Variants in RNGTT observed in about 807,000 individuals in gnomAD.
The protein encoded by RNGTT is mRNA-capping enzyme.
RNGTT carries 33 observed loss-of-function variants against 79.3 expected under a neutral mutation model. The ratio of observed to expected loss-of-function variants is 0.42; its 90% confidence interval spans 0.32 to 0.56. The LOEUF (loss-of-function observed/expected upper bound fraction) is 0.56. Ranked by LOEUF, RNGTT falls within the 20% of genes least tolerant of loss-of-function variation. RNGTT has a pLI of 0.17. For synonymous variants in RNGTT, 222 were observed against 235.9 expected (o/e 0.94, Z 0.54); for missense variants, 497 against 739.1 (o/e 0.67, Z 3.80).
chr6:88,651,383 C>G (rs891709669), intron 14 of RNGTT, among the ~76,000 whole-genome samples: 20 of 152,098 alleles, frequency 1.3e-4, no homozygotes, highest in Admixed American at 2.6e-4. Context: ...TCTTCCCCAT[C>G]TGTAACTGGA....
intron 11 of RNGTT, among the ~76,000 whole-genome samples, chr6:88,819,939 G>A (rs529367684): frequency 2.6e-5 from 4 of 151,940 alleles, no homozygotes; most frequent in African/African-American, 7.2e-5. Flanking sequence ...AACATTTCAC[G>A]AACATTCTCA....
chr6:88,882,644 G>A (rs1231224963), intron 8 of RNGTT, among the ~76,000 whole-genome samples: 2 of 152,238 alleles, frequency 1.3e-5, no homozygotes, highest in Non-Finnish European at 2.9e-5. Flanking sequence ...CAGTGCAACA[G>A]TACTGAGAGA....
Position 88,610,543 on chromosome 6 carries a change from C to T in RNGTT, c.*2176G>A, listed in dbSNP as rs1247494636. 1.3e-5 allele frequency: 2 copies of T among 152,204 alleles called. No individual in the cohort carries two copies. The highest frequency in any genetic ancestry group is 2.9e-5 in the Non-Finnish European group (2 of 68,036). The allele number at this position is 152,204 out of a possible 1,614,324, so 9.4% of individuals were successfully genotyped here. A position where few individuals can be genotyped will look rare whatever the true frequency, so the allele number is the denominator to read the frequency against. Reference sequence around the variant, plus strand: ...ACATTTCCTTCACAATGTCCAAAATCCTGCCTCTAGATTATCCCCCTGACC... The same window carrying T: ...ACATTTCCTTCACAATGTCCAAAATTCTGCCTCTAGATTATCCCCCTGACC... On this transcript the variant is annotated 3_prime_UTR_variant, in exon 16 of 16. Transcript: ENST00000369485.
At chr6:88,755,951 C>T (rs1457400338) in intron 13 of RNGTT, among the ~76,000 whole-genome samples, 3 of 118,092 alleles carry the variant, frequency 2.5e-5, no homozygotes, top group Non-Finnish European at 4.9e-5. Context: ...CAGAGTGAGA[C>T]TCCGTCTCAA....
At chr6:88,850,764 A>G in intron 9 of RNGTT, among the ~76,000 whole-genome samples, 1 of 152,014 alleles carries the variant, frequency 6.6e-6, no homozygotes. Context: ...TGCAGAGTAT[A>G]TTTTCCAGCA....
At chr6:88,823,649 A>G (rs1316721311) in intron 11 of RNGTT, among the ~76,000 whole-genome samples, 1 of 152,228 alleles carries the variant, frequency 6.6e-6, no homozygotes, top group Non-Finnish European at 1.5e-5. Flanking sequence ...CCCAAAAAAT[A>G]GACTAATGGA....
intron 6 of RNGTT, among the ~76,000 whole-genome samples, chr6:88,898,261 C>G (rs1783320558): frequency 6.6e-6 from 1 of 152,122 alleles, no homozygotes; most frequent in African/African-American, 2.4e-5. Flanking sequence ...TACTTTCCGT[C>G]CTTATTGAAT....
intron 13 of RNGTT, among the ~76,000 whole-genome samples, chr6:88,723,059 A>G (rs892782711): frequency 1.3e-5 from 2 of 152,240 alleles, no homozygotes; most frequent in African/African-American, 4.8e-5. Flanking sequence ...CTTATTTAAC[A>G]GCAACAACAA....
chr6:88,713,800 T>C lies in RNGTT; in HGVS notation c.1440-35381A>G, dbSNP rs1776404054. ...TACGCTACATATGAAACAGGAGATA[T>C]GATAATGATTTAACATTCTTGATGC... is the stretch of plus-strand genomic sequence containing the variant. On this transcript the variant is annotated intron_variant, in intron 13 of 15. Transcript: ENST00000369485. Among the ~76,000 whole-genome samples the C allele has an allele frequency of 2.0e-5, 3 of 152,328 alleles. No individual in the cohort carries two copies. In the South Asian group the frequency reaches 6.2e-4, roughly 32 times the overall value.
At chr6:88,623,284 G>A in intron 14 of RNGTT, among the ~76,000 whole-genome samples, 1 of 151,958 alleles carries the variant, frequency 6.6e-6, no homozygotes, top group Non-Finnish European at 1.5e-5. Flanking sequence ...CTTTGAATGG[G>A]GTCCCACATA....
At chr6:88,681,846 C>G (rs984973889) in intron 13 of RNGTT, among the ~76,000 whole-genome samples, 45 of 152,248 alleles carry the variant, frequency 3.0e-4, no homozygotes, top group African/African-American at 1.0e-3. Context: ...TTGCTTGCAA[C>G]TAAATACTTC....
At position 88,853,619 on chromosome 6, in the gene RNGTT, T is replaced by C. The variant is rs1781745166; in HGVS notation, c.1032+10A>G. The C allele has an allele frequency of 6.5e-7, 1 of 1,542,384 alleles. No individual in the cohort carries two copies. The highest frequency in any genetic ancestry group is 2.3e-5 in the East Asian group (1 of 42,956). ...TGTTTAATTTTATAGTATACATAAA[T>C]ATGACTTACGCCATCCAAGAGAGTA... On this transcript the variant is annotated intron_variant, in intron 9 of 15. Coordinates refer to ENST00000369485, the MANE Select transcript of RNGTT (RefSeq NM_003800.5).
At chr6:88,697,500 G>C (rs902085432) in intron 13 of RNGTT, among the ~76,000 whole-genome samples, 1 of 151,910 alleles carries the variant, frequency 6.6e-6, no homozygotes, top group East Asian at 1.9e-4. Flanking sequence ...GTAGTGAGCA[G>C]AGATTATGCC....
At chr6:88,801,242 A>C (rs1435313352) in intron 12 of RNGTT, among the ~76,000 whole-genome samples, 1 of 152,250 alleles carries the variant, frequency 6.6e-6, no homozygotes, top group Non-Finnish European at 1.5e-5. Context: ...CATTTATGTA[A>C]TGCTATTGGT....
At chr6:88,629,672 C>T (rs576228878) in intron 14 of RNGTT, among the ~76,000 whole-genome samples, 186 of 152,242 alleles carry the variant, frequency 1.2e-3, no homozygotes, top group African/African-American at 4.3e-3. Flanking sequence ...CTCAACTGCT[C>T]TTAGCAAGTT....
intron 4 of RNGTT, among the ~76,000 whole-genome samples, chr6:88,926,460 T>C (rs1419260069): frequency 2.6e-5 from 4 of 152,332 alleles, no homozygotes; most frequent in Admixed American, 2.6e-4. Context: ...CTGCCTAACT[T>C]TCATTGGGAT....
At chr6:88,868,879 AC>A (rs1782266725) in intron 8 of RNGTT, among the ~76,000 whole-genome samples, 1 of 152,204 alleles carries the variant, frequency 6.6e-6, no homozygotes, top group Non-Finnish European at 1.5e-5. Context: ...TTTCTATAGA[AC>A]AATGAACATT....
chr6:88,699,688 T>A lies in RNGTT; in HGVS notation c.1440-21269A>T, dbSNP rs571672150. Among the ~76,000 whole-genome samples the A allele has an allele frequency of 2.0e-5, 3 of 152,108 alleles. No homozygotes were observed. In the East Asian group the frequency reaches 5.8e-4, roughly 29 times the overall value. On this transcript the variant is annotated intron_variant, in intron 13 of 15. Coordinates refer to ENST00000369485, the MANE Select transcript of RNGTT (RefSeq NM_003800.5). ...TCAACAAACAAACAAAAAAACACAA[T>A]GGATTTTTTTAACGTGGTATGCACC... is the stretch of plus-strand genomic sequence containing the variant.
chr6:88,715,189 A>G (rs983181788), intron 13 of RNGTT, among the ~76,000 whole-genome samples: 9 of 152,234 alleles, frequency 5.9e-5, no homozygotes, highest in Non-Finnish European at 1.3e-4. Context: ...ACAGAGAGCC[A>G]AATCATGAGT....
Sources: gnomAD v4.1 joint callset for allele counts (sites outside exome capture counted in the v4.1 genomes callset) on GRCh38, gnomAD v4.1.1 for gene constraint, MANE v1.5 for transcripts, NCBI Gene and HGNC (gene_info 2026-07-23, HGNC 2026-07-21) for gene names.